Variants in PTPRE observed in about 807,000 individuals in gnomAD.
PTPRE encodes the protein protein tyrosine phosphatase receptor type E.
In PTPRE, 51 loss-of-function variants were observed where a neutral mutation model predicts 102.0. The ratio of observed to expected loss-of-function variants is 0.50; its 90% confidence interval spans 0.40 to 0.63. PTPRE has a LOEUF of 0.63. PTPRE is among the 30% of genes least tolerant of loss of function. The pLI is 0.00. For synonymous variants in PTPRE, 345 were observed against 348.2 expected, an observed-to-expected ratio of 0.99 and a Z score of 0.10; for missense variants, 752 against 915.1, an observed-to-expected ratio of 0.82 and a Z score of 2.30.
intron 12 of PTPRE, 78 bp from the exon 13 acceptor site, chr10:128,069,614 C>G: frequency 6.4e-7 from 1 of 1,558,034 alleles, no homozygotes; most frequent in Non-Finnish European, 8.7e-7. Context: ...GACCTGGGTG[C>G]GCAGGCCCCT....
chr10:127,999,790 C>T (rs1024934762), intron 2 of PTPRE: 1 of 985,374 alleles, frequency 1.0e-6, no homozygotes, highest in African/African-American at 1.7e-5. Context: ...TGCCGGCAGC[C>T]GCGAGCCTCA....
intron 2 of PTPRE, among the ~76,000 whole-genome samples, chr10:128,037,854 C>T (rs1847344263): frequency 6.6e-6 from 1 of 151,952 alleles, no homozygotes; most frequent in Non-Finnish European, 1.5e-5. Context: ...TGCAGTGGTG[C>T]GATCTCGGCT....
chr10:128,003,005 T>C (rs900291002), intron 2 of PTPRE, among the ~76,000 whole-genome samples: 1 of 152,212 alleles, frequency 6.6e-6, no homozygotes, highest in Non-Finnish European at 1.5e-5. Flanking sequence ...GGGAGTCATA[T>C]GTCTTATGGA....
chr10:128,069,585 A>C, intron 12 of PTPRE, 107 bp from the exon 13 acceptor site: 7 of 1,485,808 alleles, frequency 4.7e-6, no homozygotes, highest in Non-Finnish European at 6.4e-6. Flanking sequence ...AACCAAAAAA[A>C]CAAAAAGTTG....
chr10:127,970,200 G>A (rs974962337), intron 1 of PTPRE, among the ~76,000 whole-genome samples: 44 of 152,136 alleles, frequency 2.9e-4, no homozygotes, highest in African/African-American at 1.1e-3. Flanking sequence ...AGGGAACTTG[G>A]GTGGGGGACA....
intron 2 of PTPRE, among the ~76,000 whole-genome samples, chr10:128,003,332 T>C (rs571083401): frequency 1.3e-5 from 2 of 152,110 alleles, no homozygotes; most frequent in African/African-American, 4.8e-5. Flanking sequence ...ATTTTTTATT[T>C]CACTGGGAAA....
intron 1 of PTPRE, among the ~76,000 whole-genome samples, chr10:127,962,829 A>G (rs1849933974): frequency 6.6e-6 from 1 of 152,194 alleles, no homozygotes; most frequent in Admixed American, 6.5e-5. Context: ...AGCCCCCGCA[A>G]TGTCCACGGT....
chr10:127,955,286 G>GTACATACA (rs59251219), intron 1 of PTPRE, among the ~76,000 whole-genome samples: 3,635 of 149,980 alleles, frequency 0.024, 45 homozygotes, highest in African/African-American at 0.036. Flanking sequence ...AAATACATGT[G>GTACATACA]TACATACATA....
At chr10:128,000,684 T>C (rs1853785311) in intron 2 of PTPRE, among the ~76,000 whole-genome samples, 1 of 152,256 alleles carries the variant, frequency 6.6e-6, no homozygotes, top group Non-Finnish European at 1.5e-5. Flanking sequence ...TGAGAATAAA[T>C]ATTAGATTTC....
rs187893709 is a variant in PTPRE, at chr10:128,065,075, C to T, written c.724-1000C>T. 1.6e-3 allele frequency among the ~76,000 whole-genome samples: 239 copies of T among 152,362 alleles called. 1 individual carries two copies. Among genetic ancestry groups the T allele is most frequent in the Admixed American group, 3.4e-3 (52 of 15,308 alleles). ...GGGACATGTAGGCATTTGCAATTCC[C>T]CTGGGCTGCATCAGAGATGGCCTGT... On this transcript the variant is annotated intron_variant, in intron 10 of 20. Transcript: ENST00000254667.
chr10:128,043,683 A>ATG (rs762053874), intron 3 of PTPRE, among the ~76,000 whole-genome samples: 12 of 152,010 alleles, frequency 7.9e-5, no homozygotes, highest in Admixed American at 1.3e-4. Context: ...AAAGATATAT[A>ATG]TGTGTGTGTG....
In PTPRE at chr10:127,978,283, A is replaced by G. The variant is rs112345248; in HGVS notation, c.-30-3991A>G. ...CCTGGGTATAGTGGCTCACGCCTGT[A>G]ATGCCAGCACTTTGGGAGGCCAAGG... On this transcript the variant is annotated intron_variant, in intron 1 of 20. Transcript: ENST00000254667. Among the ~76,000 whole-genome samples the G allele has an allele frequency of 4.7e-3, 709 of 152,214 alleles. 2 individuals are homozygous for G. Among genetic ancestry groups the G allele is most frequent in the African/African-American group, 0.016 (672 of 41,548 alleles).
intron 1 of PTPRE, among the ~76,000 whole-genome samples, chr10:127,941,878 A>C (rs1848271935): frequency 6.6e-6 from 1 of 151,822 alleles, no homozygotes. Context: ...AGAGTAGGGG[A>C]CAGGTGAGGG....
In PTPRE at chr10:128,067,338, CCA is replaced by C. The variant is rs760545148; in HGVS notation, c.844-778_844-777del. ...TTCACACATGTGCACACACATACAT[CCA>C]CACACATTCACACACGCACACGTGC... On this transcript the variant is annotated intron_variant, in intron 11 of 20. Transcript: ENST00000254667. 1.7e-3 allele frequency among the ~76,000 whole-genome samples: 228 copies of C among 134,340 alleles called. 1 individual carries two copies. Among genetic ancestry groups the C allele is most frequent in the Non-Finnish European group, 2.1e-3 (131 of 62,262 alleles). The allele number at this position is 134,340 out of a possible 152,430, so 88.1% of individuals were successfully genotyped here.
chr10:128,074,757 T>C (rs927261747), intron 17 of PTPRE, among the ~76,000 whole-genome samples: 2 of 152,194 alleles, frequency 1.3e-5, no homozygotes, highest in African/African-American at 4.8e-5. Flanking sequence ...CCTAGGAGTG[T>C]ATATACTAGG....
intron 20 of PTPRE, among the ~76,000 whole-genome samples, 187 bp downstream of exon 20, chr10:128,079,882 G>T (rs376307018): frequency 6.6e-6 from 1 of 152,292 alleles, no homozygotes; most frequent in East Asian, 1.9e-4. Context: ...GGTCTGTGAC[G>T]TGGGTGTCTT....
chr10:127,982,387 T>A (rs1851704962), intron 2 of PTPRE, 91 bp downstream of exon 2: 3 of 929,646 alleles, frequency 3.2e-6, no homozygotes, highest in Non-Finnish European at 4.3e-6. Flanking sequence ...AGAGCATTGT[T>A]TTCTTGAGAA....
chr10:128,040,871 G>T lies in PTPRE; in HGVS notation c.-7-4G>T. 1 of 1,613,044 alleles carries T rather than the reference G, an allele frequency of 6.2e-7. No homozygotes were observed. Among genetic ancestry groups the T allele is most frequent in the Non-Finnish European group, 8.5e-7 (1 of 1,179,214 alleles). ...CCTCTGAGCCTGTCCCTGCCTCTCTGCAGGTCCACCATGGAGCCCTTGTGT... is the reference window on the plus strand; with the variant it reads ...CCTCTGAGCCTGTCCCTGCCTCTCTTCAGGTCCACCATGGAGCCCTTGTGT... On this transcript the variant is annotated splice_region_variant and splice_polypyrimidine_tract_variant and intron_variant, in intron 2 of 20. Transcript: ENST00000254667.
At chr10:128,040,129 G>A (rs529015988) in intron 2 of PTPRE, among the ~76,000 whole-genome samples, 55 of 152,256 alleles carry the variant, frequency 3.6e-4, no homozygotes, top group African/African-American at 5.8e-4. Context: ...TGAGTGGACC[G>A]TGGCTCCATC....
Sources: allele counts gnomAD v4.1 joint callset (sites outside exome capture counted in the v4.1 genomes callset), GRCh38; gene constraint gnomAD v4.1.1; transcripts MANE v1.5; gene names NCBI Gene and HGNC (gene_info 2026-07-23, HGNC 2026-07-21).